Variants in NCLN observed in about 807,000 individuals in gnomAD.
NCLN encodes the protein nicalin, also known as BOS complex subunit NCLN.
A neutral mutation model predicts 69.5 loss-of-function variants in NCLN; 34 were observed. That is an observed-to-expected ratio of 0.49 (90% CI 0.37 to 0.65). The LOEUF (loss-of-function observed/expected upper bound fraction) is 0.65, where lower values mean the gene tolerates loss of function less well. NCLN is among the 30% of genes least tolerant of loss of function. The probability of loss-of-function intolerance (pLI) is 0.00; values close to 1 mark genes in which losing one functional copy is unlikely to be tolerated. For missense variants in NCLN, 710 were observed against 804.8 expected (o/e 0.88, Z 1.42); for synonymous variants, 393 against 358.3 (o/e 1.10, Z -1.09).
chr19:3,187,419 G>A (rs1443009201), intron 1 of NCLN, among the ~76,000 whole-genome samples: 1 of 152,134 alleles, frequency 6.6e-6, no homozygotes, highest in Non-Finnish European at 1.5e-5. Flanking sequence ...TTCCCAGCCC[G>A]GATTCTCTTG....
intron 3 of NCLN, 39 bp downstream of exon 3, chr19:3,193,467 G>T: frequency 5.8e-6 from 9 of 1,549,384 alleles, no homozygotes; most frequent in Non-Finnish European, 7.8e-6. Context: ...CGTGGGCGTG[G>T]GTGTGGGGAG....
rs1033372028 is a variant in NCLN, at chr19:3,193,166, C to T, written c.376-118C>T. ...ACAGTCACTGGGCCCCCTGCTACCC[C>T]CTCCAGGGACAGTCACTGGGCCCCC... On this transcript the variant is annotated intron_variant, in intron 2 of 14. Transcript: ENST00000246117. The T allele has an allele frequency of 6.1e-6, 6 of 980,066 alleles. No individual in the cohort carries two copies. In the South Asian group the frequency reaches 7.9e-5, roughly 13 times the overall value. The allele number at this position is 980,066 out of a possible 1,614,324, so 60.7% of individuals were successfully genotyped here.
intron 3 of NCLN, among the ~76,000 whole-genome samples, 163 bp from the exon 4 acceptor site, chr19:3,196,020 G>C (rs1305988362): frequency 6.6e-6 from 1 of 152,186 alleles, no homozygotes; most frequent in Non-Finnish European, 1.5e-5. Context: ...GTTGTCCTAG[G>C]GGGAGCACGG....
At chr19:3,188,882 G>A (rs1019388452) in intron 1 of NCLN, among the ~76,000 whole-genome samples, 2 of 152,210 alleles carry the variant, frequency 1.3e-5, no homozygotes, top group Non-Finnish European at 2.9e-5. Context: ...CACTCTGGCC[G>A]CCCCTGAGAG....
chr19:3,203,020 C>G (rs907696830), intron 6 of NCLN, among the ~76,000 whole-genome samples: 1 of 152,112 alleles, frequency 6.6e-6, no homozygotes, highest in Non-Finnish European at 1.5e-5. Flanking sequence ...AGGCTGTGTT[C>G]CATTAGAATT....
At position 3,205,829 on chromosome 19, in the gene NCLN, A is replaced by G; in HGVS notation, c.1209-110A>G. ...TAAGCTTAATTTTTTTTTTTTTTTA[A>G]AGACAGAGTCTCACGGTCTCCTAGG... is the stretch of plus-strand genomic sequence containing the variant. On this transcript the variant is annotated intron_variant, in intron 9 of 14. Transcript: ENST00000246117. This position sits in a 1 kb window ranked among gnomAD's most constrained non-coding sequence, Gnocchi z 4.6. 1.0e-6 allele frequency: 1 copy of G among 961,786 alleles called. No individual in the cohort carries two copies. The highest frequency in any genetic ancestry group is 1.6e-6 in the Non-Finnish European group (1 of 628,578). The allele number at this position is 961,786 out of a possible 1,614,324, so 59.6% of individuals were successfully genotyped here. A position where few individuals can be genotyped will look rare whatever the true frequency, so the allele number is the denominator to read the frequency against.
intron 14 of NCLN, 79 bp from the exon 15 acceptor site, chr19:3,207,550 C>T: frequency 6.2e-7 from 1 of 1,606,804 alleles, no homozygotes. Context: ...TGCATCCTGG[C>T]CCCTGGCTCA....
At chr19:3,206,643 C>G (rs536004326) in intron 12 of NCLN, among the ~76,000 whole-genome samples, 1 of 152,168 alleles carries the variant, frequency 6.6e-6, no homozygotes, top group Non-Finnish European at 1.5e-5. Context: ...CAAGACCAGA[C>G]TGGCCAACAT....
intron 14 of NCLN, 39 bp downstream of exon 14, chr19:3,207,508 C>A: frequency 6.2e-7 from 1 of 1,610,234 alleles, no homozygotes; most frequent in Non-Finnish European, 8.5e-7. Context: ...AGGGGCCGCC[C>A]GCCGGGAGGA....
At chr19:3,191,360 T>G (rs1568309908) in intron 1 of NCLN, among the ~76,000 whole-genome samples, 2 of 152,046 alleles carry the variant, frequency 1.3e-5, no homozygotes. Context: ...AAGCCCGTGA[T>G]GGAGCGACAG....
chr19:3,206,082 CGGCCCCACCCCT>C (rs1444951650), intron 10 of NCLN, 56 bp downstream of exon 10: 2 of 1,589,224 alleles, frequency 1.3e-6, no homozygotes, highest in Non-Finnish European at 1.7e-6. Context: ...CCCCCGGCCC[CGGCCCCACCCCT>C]GGCCCCAGCC....
chr19:3,192,749 CCTCT>C, intron 2 of NCLN, 89 bp downstream of exon 2: 1 of 1,186,886 alleles, frequency 8.4e-7, no homozygotes, highest in South Asian at 1.7e-5. Context: ...GGTCACTTCG[CCTCT>C]CTGAGCCCTT....
In NCLN at chr19:3,201,209, C is replaced by T. The variant is rs1319099019; in HGVS notation, c.697-314C>T. ...GCCTGGCCCTGGGCTCCAAATTCTGCATGTAGCTTCTCCCGGGCGCGGGCC... is the reference window on the plus strand; with the variant it reads ...GCCTGGCCCTGGGCTCCAAATTCTGTATGTAGCTTCTCCCGGGCGCGGGCC... On this transcript the variant is annotated intron_variant, in intron 5 of 14. Transcript: ENST00000246117. 2.0e-5 allele frequency among the ~76,000 whole-genome samples: 3 copies of T among 152,222 alleles called. No homozygotes were observed. In the East Asian group the frequency reaches 5.8e-4, roughly 29 times the overall value.
chr19:3,193,238 AC>A, intron 2 of NCLN, 45 bp from the exon 3 acceptor site: 1 of 1,416,010 alleles, frequency 7.1e-7, no homozygotes, highest in East Asian at 3.4e-5. Context: ...CTACCTTGCC[AC>A]CCCCACCAGG....
chr19:3,204,626 C>T lies in NCLN; in HGVS notation c.1083C>T (p.Ile361=). Reference sequence around the variant, plus strand: ...GGTTCTCCATGGTGCACAAGCGGATCAACCTGGCGGAGGACGTGCTGGCCT... The same window carrying T: ...GGTTCTCCATGGTGCACAAGCGGATTAACCTGGCGGAGGACGTGCTGGCCT... The part of the protein sequence containing the change: ...EVRFSMVHKR[I]NLAEDVLAWE... The change falls in exon 9 of 15, where the codon ATC becomes ATT. Residue 361 remains isoleucine (I), a synonymous_variant. Coordinates refer to ENST00000246117, the MANE Select transcript of NCLN (RefSeq NM_020170.4). The T allele has an allele frequency of 1.2e-6, 2 of 1,604,790 alleles. No individual in the cohort carries two copies. The highest frequency in any genetic ancestry group is 1.7e-6 in the Non-Finnish European group (2 of 1,176,010).
intron 1 of NCLN, among the ~76,000 whole-genome samples, chr19:3,189,068 C>T (rs1426967940): frequency 1.3e-5 from 2 of 152,264 alleles, no homozygotes; most frequent in Non-Finnish European, 2.9e-5. Flanking sequence ...AACTTCCTTC[C>T]TGCTGCTGTT....
intron 2 of NCLN, among the ~76,000 whole-genome samples, chr19:3,192,918 G>A (rs990587219): frequency 1.3e-5 from 2 of 152,252 alleles, no homozygotes; most frequent in South Asian, 4.1e-4. Flanking sequence ...ACCCTGCAGT[G>A]CCCAGGACGG....
chr19:3,192,689 CAGGTCCAG>C, intron 2 of NCLN, 29 bp downstream of exon 2: 1 of 1,499,636 alleles, frequency 6.7e-7, no homozygotes, highest in Non-Finnish European at 8.9e-7. Flanking sequence ...CCGCCCGGCT[CAGGTCCAG>C]AGCTGCGGCG....
chr19:3,186,642 G>C (rs913163837), intron 1 of NCLN, among the ~76,000 whole-genome samples: 3 of 152,212 alleles, frequency 2.0e-5, no homozygotes, highest in Admixed American at 6.5e-5. Context: ...CTGACCTCCA[G>C]CTCCCAGGGT....
Sources: gnomAD v4.1 joint callset for allele counts (sites outside exome capture counted in the v4.1 genomes callset) on GRCh38, gnomAD v4.1.1 for gene constraint, Gnocchi (gnomAD v3.1) non-coding constraint, MANE v1.5 for transcripts, NCBI Gene and HGNC (gene_info 2026-07-23, HGNC 2026-07-21) for gene names.